Variants in RAB22A observed in about 807,000 individuals in gnomAD.
RAB22A encodes RAB22A, member RAS oncogene family.
RAB22A carries 13 observed loss-of-function variants against 30.2 expected under a neutral mutation model. The ratio of observed to expected loss-of-function variants is 0.43; its 90% CI spans 0.28 to 0.68. RAB22A has a LOEUF of 0.68. Ranked by LOEUF, RAB22A falls within the 30% of genes least tolerant of loss-of-function variation. RAB22A has a pLI of 0.18. For synonymous variants in RAB22A, 89 were observed against 87.2 expected (o/e 1.02, Z -0.11); for missense variants, 177 against 246.8 (o/e 0.72, Z 1.89).
chr20:58,322,889 C>T (rs1321849687), intron 2 of RAB22A, among the ~76,000 whole-genome samples: 3 of 152,118 alleles, frequency 2.0e-5, no homozygotes, highest in African/African-American at 7.2e-5. Context: ...CTAAGTCTTA[C>T]TGTCCAGTGG....
chr20:58,331,088 T>G (rs953153809), intron 2 of RAB22A, among the ~76,000 whole-genome samples: 3 of 152,182 alleles, frequency 2.0e-5, no homozygotes, highest in Admixed American at 6.5e-5. Context: ...TCTTACTGCA[T>G]TTCAGCCACA....
At chr20:58,335,429 C>A (rs917185511) in intron 2 of RAB22A, among the ~76,000 whole-genome samples, 4 of 151,944 alleles carry the variant, frequency 2.6e-5, no homozygotes, top group Non-Finnish European at 5.9e-5. Flanking sequence ...CAATATAATA[C>A]AGGAAAAAAG....
At chr20:58,328,555 G>T (rs1346239044) in intron 2 of RAB22A, among the ~76,000 whole-genome samples, 1 of 152,044 alleles carries the variant, frequency 6.6e-6, no homozygotes. Flanking sequence ...CTATTTTACT[G>T]TATTTCCCGC....
chr20:58,352,443 C>T (rs1246277852), intron 3 of RAB22A, among the ~76,000 whole-genome samples: 2 of 152,142 alleles, frequency 1.3e-5, no homozygotes, highest in East Asian at 1.9e-4. Context: ...TAAGTATAGG[C>T]AAAATTCTTG....
chr20:58,326,138 C>G (rs966683281), intron 2 of RAB22A, among the ~76,000 whole-genome samples: 1 of 151,300 alleles, frequency 6.6e-6, no homozygotes, highest in Non-Finnish European at 1.5e-5. Context: ...GGATCTTTTT[C>G]CTGTTTTGTT....
chr20:58,350,822 A>C (rs902862867), intron 3 of RAB22A, among the ~76,000 whole-genome samples: 8 of 152,256 alleles, frequency 5.3e-5, no homozygotes, highest in Non-Finnish European at 1.0e-4. Context: ...AATAATAGCC[A>C]CTAGAAATGG....
rs998827545 is a variant in RAB22A at position 58,333,770 on chromosome 20, G to A, written c.117-9948G>A. Among the ~76,000 whole-genome samples, 14 of 152,194 alleles carry A rather than the reference G, an allele frequency of 9.2e-5. No homozygotes were observed. The East Asian group carries it at 9.7e-4, about 11-fold the overall frequency. On this transcript the variant is annotated intron_variant, in intron 2 of 6. Coordinates refer to ENST00000244040, the MANE Select transcript of RAB22A (RefSeq NM_020673.3). Reference sequence around the variant, plus strand: ...AAAATCCAACACAAGACATAAAATCGAGGGCCCAGTGCCATGGCTCACACT... The same window carrying A: ...AAAATCCAACACAAGACATAAAATCAAGGGCCCAGTGCCATGGCTCACACT...
At chr20:58,317,467 T>C (rs1469532552) in intron 2 of RAB22A, among the ~76,000 whole-genome samples, 1 of 152,042 alleles carries the variant, frequency 6.6e-6, no homozygotes, top group Non-Finnish European at 1.5e-5. Context: ...ACCAGCTCCA[T>C]ATTGTTAGGA....
In RAB22A at chr20:58,362,456, G is replaced by A. The variant is rs191648000; in HGVS notation, c.*2753G>A. 37 of 152,224 alleles carry A rather than the reference G, an allele frequency of 2.4e-4. 1 individual carries two copies. The highest frequency in any genetic ancestry group is 1.2e-3 in the East Asian group (6 of 5,182). The allele number at this position is 152,224 out of a possible 1,614,324, so 9.4% of individuals were successfully genotyped here. On this transcript the variant is annotated 3_prime_UTR_variant, in exon 7 of 7. Transcript: ENST00000244040. Reference sequence around the variant, plus strand: ...CTATAAACATGTTTGGTTTTCTTACGATACAGGGCCATTTTTTTAAAACTC... The same window carrying A: ...CTATAAACATGTTTGGTTTTCTTACAATACAGGGCCATTTTTTTAAAACTC...
rs1363035620 is a variant in RAB22A at position 58,360,052 on chromosome 20, G to C, written c.*349G>C. ...TTGTAAAGGGAAAATTAGCACTTTT[G>C]TGGTTCTTAAGGGAAAAGAAACAGA... is the stretch of plus-strand genomic sequence containing the variant. On this transcript the variant is annotated 3_prime_UTR_variant, in exon 7 of 7. Transcript: ENST00000244040. 6.4e-6 allele frequency: 1 copy of C among 157,166 alleles called. No homozygotes were observed. The highest frequency in any genetic ancestry group is 1.4e-5 in the Non-Finnish European group (1 of 70,992). 9.7% of individuals were successfully genotyped at this position (157,166 alleles called of 1,614,324 possible).
In RAB22A at chr20:58,361,117, C is replaced by G. The variant is rs1046934899; in HGVS notation, c.*1414C>G. Reference sequence around the variant, plus strand: ...TTTTTAATATCATCTAAAAATAAAGCATTGAAGTGAAGTTGGTGAAAATTT... The same window carrying G: ...TTTTTAATATCATCTAAAAATAAAGGATTGAAGTGAAGTTGGTGAAAATTT... On this transcript the variant is annotated 3_prime_UTR_variant, in exon 7 of 7. Transcript: ENST00000244040. 2.0e-5 allele frequency: 3 copies of G among 152,592 alleles called. No individual in the cohort carries two copies. Among genetic ancestry groups the G allele is most frequent in the African/African-American group, 7.2e-5 (3 of 41,436 alleles). The allele number at this position is 152,592 out of a possible 1,614,324, so 9.5% of individuals were successfully genotyped here. A position where few individuals can be genotyped will look rare whatever the true frequency, so the allele number is the denominator to read the frequency against.
At chr20:58,331,293 CAG>C (rs1986656434) in intron 2 of RAB22A, among the ~76,000 whole-genome samples, 1 of 148,824 alleles carries the variant, frequency 6.7e-6, no homozygotes, top group Admixed American at 6.6e-5. Context: ...TATCACCACA[CAG>C]TGTTTTTTTT....
rs1381906219 is a variant in RAB22A, at chr20:58,359,740, G to C, written c.*37G>C. 6.5e-7 allele frequency: 1 copy of C among 1,549,092 alleles called. No homozygotes were observed. Among genetic ancestry groups the C allele is most frequent in the Admixed American group, 1.7e-5 (1 of 59,322 alleles). ...CCTCTCAGACTTGATGATGAAGTAG[G>C]TGGTCCTGAAAGTTAACAGGAGGGC... On this transcript the variant is annotated 3_prime_UTR_variant, in exon 7 of 7. Transcript: ENST00000244040.
At chr20:58,329,583 G>A (rs1393757180) in intron 2 of RAB22A, among the ~76,000 whole-genome samples, 1 of 152,098 alleles carries the variant, frequency 6.6e-6, no homozygotes. Flanking sequence ...TGCTAAATGT[G>A]TAATATACTC....
intron 2 of RAB22A, among the ~76,000 whole-genome samples, chr20:58,318,013 C>T (rs60355423): frequency 0.046 from 7,034 of 152,078 alleles, 220 homozygotes; most frequent in African/African-American, 0.086. Context: ...ACGAGCAGTA[C>T]GCATCACCAT....
intron 2 of RAB22A, among the ~76,000 whole-genome samples, chr20:58,318,939 G>A (rs1481888602): frequency 6.6e-6 from 1 of 152,184 alleles, no homozygotes; most frequent in Non-Finnish European, 1.5e-5. Context: ...GGGTTGTTGT[G>A]AAATTGAATT....
chr20:58,310,902 A>G (rs1986211883), intron 1 of RAB22A, 141 bp from the exon 2 acceptor site: 2 of 690,288 alleles, frequency 2.9e-6, no homozygotes, highest in Non-Finnish European at 5.1e-6. Context: ...TTTTATGACA[A>G]CCGCTTTTGT....
chr20:58,355,372 A>ATT (rs879879084), intron 6 of RAB22A, among the ~76,000 whole-genome samples: 1 of 148,680 alleles, frequency 6.7e-6, no homozygotes, highest in African/African-American at 2.5e-5. Flanking sequence ...TTGTTTTCAC[A>ATT]TTTTTTTTTT....
chr20:58,311,950 A>G (rs965696864), intron 2 of RAB22A, among the ~76,000 whole-genome samples: 5 of 152,172 alleles, frequency 3.3e-5, no homozygotes, highest in African/African-American at 1.2e-4. Context: ...TCCTGCTGTC[A>G]GAGGTTATTT....
Sources: gnomAD v4.1 joint callset for allele counts (sites outside exome capture counted in the v4.1 genomes callset) on GRCh38, gnomAD v4.1.1 for gene constraint, MANE v1.5 for transcripts, NCBI Gene and HGNC (gene_info 2026-07-23, HGNC 2026-07-21) for gene names.